LMO7: variants seen among roughly 807,000 people sequenced by gnomAD.
LMO7 encodes the protein LIM domain 7.
Under a neutral mutation model 206.5 loss-of-function variants are expected in LMO7, and 120 were observed. That is an observed-to-expected ratio of 0.58 (90% confidence interval 0.50 to 0.68). The LOEUF is 0.68. Among genes scored for constraint, LMO7 ranks in the 30% least tolerant of loss-of-function variants. The pLI is 0.00. For missense variants in LMO7, 1,959 were observed against 1,957.9 expected (o/e 1.00, Z -0.01); for synonymous variants, 706 against 681.5 (o/e 1.04, Z -0.56).
intron 6 of LMO7, among the ~76,000 whole-genome samples, chr13:75,797,259 C>G (rs1053289794): frequency 6.6e-6 from 1 of 152,174 alleles, no homozygotes; most frequent in Non-Finnish European, 1.5e-5. Context: ...ATGGTGTTAA[C>G]TGGAACTTGA....
intron 4 of LMO7, among the ~76,000 whole-genome samples, chr13:75,768,994 G>C (rs2049269420): frequency 6.6e-6 from 1 of 152,020 alleles, no homozygotes. Flanking sequence ...AATAGGTACT[G>C]TTTGAGATGA....
intron 25 of LMO7, among the ~76,000 whole-genome samples, chr13:75,843,980 T>C (rs2059763549): frequency 6.6e-6 from 1 of 152,252 alleles, no homozygotes. Context: ...TGACCTTGTT[T>C]ATAATCTTTC....
intron 1 of LMO7, among the ~76,000 whole-genome samples, chr13:75,647,450 A>T (rs1455648648): frequency 6.6e-6 from 1 of 152,190 alleles, no homozygotes; most frequent in Non-Finnish European, 1.5e-5. Context: ...TACTTTATTT[A>T]ACCAATTCTA....
chr13:75,627,162 A>G (rs1422331466), intron 2 of LMO7: 2 of 152,210 alleles, frequency 1.3e-5, no homozygotes, highest in Non-Finnish European at 2.9e-5. Flanking sequence ...TTTGACTACG[A>G]TGATGCAAAA....
intron 3 of LMO7, among the ~76,000 whole-genome samples, chr13:75,755,859 C>G (rs1306387884): frequency 6.6e-6 from 1 of 152,062 alleles, no homozygotes; most frequent in African/African-American, 2.4e-5. Context: ...GTGAGGTGAC[C>G]TACAGAGTGT....
At chr13:75,716,858 T>G (rs1347092052) in intron 2 of LMO7, among the ~76,000 whole-genome samples, 2 of 151,874 alleles carry the variant, frequency 1.3e-5, no homozygotes, top group Non-Finnish European at 2.9e-5. Flanking sequence ...ACTCATCTTA[T>G]GATGACAATC....
At chr13:75,839,509 C>T (rs1355201892) in intron 20 of LMO7, among the ~76,000 whole-genome samples, 3 of 152,148 alleles carry the variant, frequency 2.0e-5, no homozygotes, top group Admixed American at 1.3e-4. Context: ...AAGAATAAGA[C>T]TGTACCCATA....
At chr13:75,657,334 C>T (rs9565180) in intron 1 of LMO7, among the ~76,000 whole-genome samples, 35,027 of 152,126 alleles carry the variant, frequency 0.23, 4,497 homozygotes, top group Admixed American at 0.36. Flanking sequence ...CTAGGACATA[C>T]CAGCAAACAC....
chr13:75,644,167 T>A (rs2036811555), intron 1 of LMO7, among the ~76,000 whole-genome samples: 1 of 151,588 alleles, frequency 6.6e-6, no homozygotes, highest in Non-Finnish European at 1.5e-5. Context: ...GCTGAAAAAA[T>A]GACAATAAAA....
chr13:75,702,841 CTTAG>C (rs2042371544), intron 1 of LMO7, among the ~76,000 whole-genome samples: 1 of 152,130 alleles, frequency 6.6e-6, no homozygotes, highest in South Asian at 2.1e-4. Flanking sequence ...TTCTTTGTAT[CTTAG>C]TTAAAATTAA....
At chr13:75,735,116 C>CGTGTGTGTGTGT (rs112512807) in intron 3 of LMO7, among the ~76,000 whole-genome samples, 11 of 145,602 alleles carry the variant, frequency 7.6e-5, no homozygotes, top group African/African-American at 2.8e-4. Flanking sequence ...AAAAAAATTA[C>CGTGTGTGTGTGT]GTGTGTGTGT....
intron 1 of LMO7, among the ~76,000 whole-genome samples, chr13:75,642,442 CAAAAAA>C (rs5804829): frequency 2.8e-5 from 2 of 72,390 alleles, no homozygotes; most frequent in East Asian, 4.6e-4. Context: ...CCATCTCTAC[CAAAAAA>C]AAAAAAAAAA....
At chr13:75,852,921 C>T (rs2060607316) in intron 27 of LMO7, among the ~76,000 whole-genome samples, 171 bp from the exon 28 acceptor site, 1 of 152,116 alleles carries the variant, frequency 6.6e-6, no homozygotes, top group Non-Finnish European at 1.5e-5. Flanking sequence ...TTTATTGAGA[C>T]ATAACCCCAT....
At chr13:75,760,455 A>C in intron 3 of LMO7, 1 of 1,183,910 alleles carries the variant, frequency 8.4e-7, no homozygotes, top group Non-Finnish European at 1.0e-6. Flanking sequence ...GTCGTTCTGT[A>C]ATTTGTAATC....
Position 75,849,098 on chromosome 13 carries a change from C to T in LMO7, c.4170C>T (p.Asp1390=), listed in dbSNP as rs2060259563. The change falls in exon 27 of 31, where the codon GAC becomes GAT. Residue 1390 remains aspartate, a synonymous_variant. Coordinates refer to ENST00000377534, the MANE Select transcript of LMO7 (RefSeq NM_001306080.2). ...TNKNGNNKYL[D]QIGNMTSSQR... Reference sequence around the variant, plus strand: ...ATTTAGGAAACAATAAATATTTAGACCAAATTGGGAACATGACCTCTTCAC... The same window carrying T: ...ATTTAGGAAACAATAAATATTTAGATCAAATTGGGAACATGACCTCTTCAC... The T allele has an allele frequency of 1.2e-6, 2 of 1,605,148 alleles. No homozygotes were observed. Among genetic ancestry groups the T allele is most frequent in the Non-Finnish European group, 1.7e-6 (2 of 1,172,230 alleles).
chr13:75,848,834 A>G, intron 26 of LMO7: 1 of 400,158 alleles, frequency 2.5e-6, no homozygotes. Context: ...GAAGCTACAC[A>G]CTGATTTCCA....
chr13:75,639,377 A>G (rs1475269750), intron 1 of LMO7, among the ~76,000 whole-genome samples: 3 of 152,266 alleles, frequency 2.0e-5, no homozygotes, highest in Non-Finnish European at 4.4e-5. Flanking sequence ...AATGTAGGAA[A>G]GCTACCCTTT....
chr13:75,739,748 G>A (rs1403591711), intron 3 of LMO7, among the ~76,000 whole-genome samples: 1 of 152,186 alleles, frequency 6.6e-6, no homozygotes, highest in Non-Finnish European at 1.5e-5. Flanking sequence ...AAATTCACCT[G>A]GGGAATCTGC....
chr13:75,773,920 G>A (rs2050055373), intron 4 of LMO7, among the ~76,000 whole-genome samples: 1 of 152,016 alleles, frequency 6.6e-6, no homozygotes, highest in South Asian at 2.1e-4. Context: ...GCACTTCCTG[G>A]TGTTGCTTTT....
Sources: gnomAD v4.1 joint callset for allele counts (sites outside exome capture counted in the v4.1 genomes callset) on GRCh38, gnomAD v4.1.1 for gene constraint, MANE v1.5 for transcripts, NCBI Gene and HGNC (gene_info 2026-07-23, HGNC 2026-07-21) for gene names.